Variants in DNAH14 observed in about 807,000 individuals in gnomAD.
DNAH14 encodes the protein dynein axonemal heavy chain 14, also known as axonemal beta dynein heavy chain 14.
DNAH14 carries 478 observed loss-of-function variants against 520.9 expected under a neutral mutation model. The observed-to-expected ratio is 0.92, with a 90% CI of 0.85 to 0.99. The LOEUF is 0.99. DNAH14 is among the 50% of genes least tolerant of loss of function. The pLI, the probability that DNAH14 is intolerant of heterozygous loss-of-function variation, is 0.00. For missense variants in DNAH14, 4,831 were observed against 5,234.5 expected, an observed-to-expected ratio of 0.92 and a Z score of 2.38; for synonymous variants, 1,581 against 1,757.2, an observed-to-expected ratio of 0.90 and a Z score of 2.51.
At chr1:225,337,642 G>C (rs928791442) in intron 67 of DNAH14, 146 bp downstream of exon 67, 3 of 659,686 alleles carry the variant, frequency 4.5e-6, no homozygotes, top group Admixed American at 2.9e-5. Flanking sequence ...TACAGACAGA[G>C]AGTGAGTTTT....
At chr1:225,082,439 TAAA>T in intron 19 of DNAH14, 107 bp from the exon 20 acceptor site, 1 of 812,172 alleles carries the variant, frequency 1.2e-6, no homozygotes, top group South Asian at 2.6e-5. Flanking sequence ...TAATAATTGA[TAAA>T]GTAGTTTTTA....
intron 58 of DNAH14, among the ~76,000 whole-genome samples, chr1:225,306,975 C>T (rs1268733822): frequency 6.6e-6 from 1 of 151,898 alleles, no homozygotes; most frequent in East Asian, 1.9e-4. Flanking sequence ...GTTTGGGTCT[C>T]TTACAGCCTA....
chr1:225,340,446 C>A lies in DNAH14; in HGVS notation c.10434-11C>A. On this transcript the variant is annotated splice_polypyrimidine_tract_variant and intron_variant, in intron 68 of 85. Coordinates refer to ENST00000682510, the MANE Select transcript of DNAH14 (RefSeq NM_001367479.1). ...TGTTCTTTGAATAACTGGTGCCTTT[C>A]TCATGTTCAGGTTATACTTATCTAC... 6.6e-7 allele frequency: 1 copy of A among 1,520,450 alleles called. No individual in the cohort carries two copies. Among genetic ancestry groups the A allele is most frequent in the South Asian group, 1.3e-5 (1 of 79,528 alleles). 94.2% of individuals were successfully genotyped at this position (1,520,450 alleles called of 1,614,324 possible). A position where few individuals can be genotyped will look rare whatever the true frequency, so the allele number is the denominator to read the frequency against.
chr1:225,036,610 A>C lies in DNAH14; in HGVS notation c.1359-2084A>C, dbSNP rs1347370606. Among the ~76,000 whole-genome samples the C allele has an allele frequency of 2.0e-5, 3 of 152,176 alleles. No individual in the cohort carries two copies. The East Asian group carries it at 5.8e-4, about 29-fold the overall frequency. ...GCTTTTAGGTTCCCTATCTTAGTGC[A>C]CCTGAAGGGAAAGGAATATGCTTAT... is the stretch of plus-strand genomic sequence containing the variant. On this transcript the variant is annotated intron_variant, in intron 11 of 85. Transcript: ENST00000682510.
intron 60 of DNAH14, among the ~76,000 whole-genome samples, chr1:225,311,957 A>G (rs1421633381): frequency 6.6e-6 from 1 of 152,080 alleles, no homozygotes; most frequent in African/African-American, 2.4e-5. Flanking sequence ...TGAAATTTAG[A>G]GTAGTTTTTT....
intron 10 of DNAH14, among the ~76,000 whole-genome samples, chr1:225,019,461 G>T (rs2501120): frequency 1.3e-5 from 2 of 152,030 alleles, no homozygotes; most frequent in African/African-American, 4.8e-5. Context: ...AGACAACCAC[G>T]CAATAATAGT....
intron 73 of DNAH14, 116 bp downstream of exon 73, chr1:225,354,004 C>T (rs917842489): frequency 7.2e-6 from 5 of 693,584 alleles, no homozygotes; most frequent in East Asian, 2.7e-5. Context: ...AAGTACATTT[C>T]GTGAACGTTA....
chr1:225,180,240 T>A (rs1270851528), intron 36 of DNAH14, among the ~76,000 whole-genome samples: 1 of 152,240 alleles, frequency 6.6e-6, no homozygotes, highest in African/African-American at 2.4e-5. Flanking sequence ...GCCTAGTGAC[T>A]TTTATATATG....
chr1:225,336,966 G>T (rs1196013664), intron 66 of DNAH14, among the ~76,000 whole-genome samples: 1 of 152,122 alleles, frequency 6.6e-6, no homozygotes, highest in Admixed American at 6.5e-5. Context: ...ATGCGTTAGA[G>T]TCTACGAGCC....
rs147351141 is a variant in DNAH14 at position 225,208,393 on chromosome 1, C to G, written c.6439+1173C>G. ...AATGCTGGATTGGTTAGCTGTATAA[C>G]AGATTAGTGAGAGCCATAACAACAG... is the stretch of plus-strand genomic sequence containing the variant. On this transcript the variant is annotated intron_variant, in intron 41 of 85. Transcript: ENST00000682510. Among the ~76,000 whole-genome samples the G allele has an allele frequency of 6.5e-3, 989 of 152,038 alleles. 15 individuals are homozygous for G. The highest frequency in any genetic ancestry group is 0.019 in the African/African-American group (804 of 41,446).
chr1:225,147,353 T>C, intron 31 of DNAH14, 104 bp downstream of exon 31: 1 of 1,253,506 alleles, frequency 8.0e-7, no homozygotes, highest in Non-Finnish European at 1.0e-6. Flanking sequence ...TTTAGGTCTT[T>C]GGGGTGTTTT....
chr1:225,366,042 A>G (rs1271433656), intron 76 of DNAH14, among the ~76,000 whole-genome samples: 6 of 152,230 alleles, frequency 3.9e-5, no homozygotes, highest in Non-Finnish European at 8.8e-5. Flanking sequence ...TTAACATTCC[A>G]TACAAAATGG....
intron 21 of DNAH14, among the ~76,000 whole-genome samples, chr1:225,091,066 A>G (rs952803201): frequency 3.3e-5 from 5 of 151,124 alleles, no homozygotes; most frequent in African/African-American, 1.2e-4. Flanking sequence ...TGGGCAAAAT[A>G]TTAAAATAGA....
rs1363491227 is a variant in DNAH14 at position 225,335,342 on chromosome 1, T to C, written c.10080+1836T>C. 1.4e-3 allele frequency among the ~76,000 whole-genome samples: 111 copies of C among 79,272 alleles called. 2 individuals are homozygous for C. The highest frequency in any genetic ancestry group is 6.0e-3 in the Middle Eastern group (1 of 166). 52.0% of individuals were successfully genotyped at this position (79,272 alleles called of 152,430 possible). A position where few individuals can be genotyped will look rare whatever the true frequency, so the allele number is the denominator to read the frequency against. On this transcript the variant is annotated intron_variant, in intron 66 of 85. Transcript: ENST00000682510. ...ATGCACATATACACGTGTGTACATG[T>C]GTGTGTATATGCATATACACGTGTA...
chr1:225,063,219 A>T (rs1226944232), intron 17 of DNAH14, among the ~76,000 whole-genome samples: 1 of 152,134 alleles, frequency 6.6e-6, no homozygotes, highest in Non-Finnish European at 1.5e-5. Flanking sequence ...GGCTCCAAGG[A>T]TACCAAAATC....
At chr1:225,119,505 G>A (rs539499532) in intron 26 of DNAH14, among the ~76,000 whole-genome samples, 1 of 152,242 alleles carries the variant, frequency 6.6e-6, no homozygotes, top group South Asian at 2.1e-4. Context: ...CTTTTACAGT[G>A]TAACTGTCAG....
chr1:225,199,958 G>T (rs2086611227), intron 38 of DNAH14, among the ~76,000 whole-genome samples: 1 of 152,078 alleles, frequency 6.6e-6, no homozygotes, highest in Non-Finnish European at 1.5e-5. Flanking sequence ...TTATTGTGTT[G>T]CTGTCTATCT....
intron 21 of DNAH14, among the ~76,000 whole-genome samples, chr1:225,093,645 A>G (rs981450035): frequency 2.0e-5 from 3 of 152,126 alleles, no homozygotes; most frequent in Non-Finnish European, 2.9e-5. Context: ...TAATTAGGGA[A>G]GAGAAAGAAA....
chr1:225,290,149 A>C (rs1345579878), intron 55 of DNAH14, 67 bp downstream of exon 55: 3 of 1,148,908 alleles, frequency 2.6e-6, no homozygotes, highest in Non-Finnish European at 1.1e-6. Flanking sequence ...CTCCCCAAAA[A>C]TTTAATATTT....
Sources: allele counts gnomAD v4.1 joint callset (sites outside exome capture counted in the v4.1 genomes callset), GRCh38; gene constraint gnomAD v4.1.1; transcripts MANE v1.5; gene names NCBI Gene and HGNC (gene_info 2026-07-23, HGNC 2026-07-21).